Variants in TMEM25 observed in about 807,000 individuals in gnomAD.
The protein encoded by TMEM25 is transmembrane protein 25.
In TMEM25, 36 loss-of-function variants were observed where a neutral mutation model predicts 37.0. That is an observed-to-expected ratio of 0.97 (90% CI 0.75 to 1.28). The LOEUF (loss-of-function observed/expected upper bound fraction) is 1.28. TMEM25 is among the 50% of genes most tolerant of loss of function. TMEM25 has a pLI of 0.00. For synonymous variants in TMEM25, 197 were observed against 203.7 expected, an observed-to-expected ratio of 0.97 and a Z score of 0.28; for missense variants, 444 against 477.9, an observed-to-expected ratio of 0.93 and a Z score of 0.66.
At chr11:118,531,995 C>T in intron 2 of TMEM25, 124 bp downstream of exon 2, 1 of 1,372,706 alleles carries the variant, frequency 7.3e-7, no homozygotes, top group Non-Finnish European at 9.8e-7. Flanking sequence ...GTCCCCTTCA[C>T]CCACCTACCC....
At chr11:118,531,960 C>T in intron 2 of TMEM25, 89 bp downstream of exon 2, 4 of 1,479,388 alleles carry the variant, frequency 2.7e-6, no homozygotes, top group South Asian at 1.2e-5. Context: ...GGTACCCACT[C>T]CAGGCCCCAA....
intron 8 of TMEM25, among the ~76,000 whole-genome samples, chr11:118,541,530 T>G (rs561004852): frequency 3.4e-4 from 51 of 152,154 alleles, no homozygotes; most frequent in Non-Finnish European, 7.4e-5. Flanking sequence ...CCATTTTTTG[T>G]TACTTATAAC....
rs782163741 is a variant in TMEM25, at chr11:118,534,395, C to T, written c.1027+40C>T. ...GCCTGCCACCCTCCTCCTCTGCCCC[C>T]CAGCCCTGTGCTTATGCCAGAGGCC... On this transcript the variant is annotated intron_variant, in intron 8 of 8. Transcript: ENST00000313236. The surrounding 1 kb of genome is among the most constrained non-coding windows in gnomAD (Gnocchi z 4.6). 1.9e-6 allele frequency: 3 copies of T among 1,611,558 alleles called. No homozygotes were observed. Among genetic ancestry groups the T allele is most frequent in the South Asian group, 2.2e-5 (2 of 90,684 alleles).
rs1281371427 is a variant in TMEM25 at position 118,531,806 on chromosome 11, C to T, written c.5C>T (p.Ala2Val). M[A>V]LPPGPAALRH... ...AGGGCCTAGGCCCGGGCCACCATGG[C>T]GCTGCCTCCAGGCCCAGCCGCCCTC... The change falls in exon 2 of 9, where the codon GCG (alanine) becomes GTG (valine). Residue 2 changes from alanine (A) to valine (V), a missense_variant. Ala to Val is a moderately conservative substitution (Grantham distance 64, BLOSUM62 0). Transcript: ENST00000313236. 6.4e-6 allele frequency: 10 copies of T among 1,550,690 alleles called. No homozygotes were observed. Among genetic ancestry groups the T allele is most frequent in the Admixed American group, 3.9e-5 (2 of 50,984 alleles).
rs147483533 is a variant in TMEM25, at chr11:118,533,033, G to A, written c.499G>A (p.Asp167Asn). 1.4e-4 allele frequency: 224 copies of A among 1,614,224 alleles called. No homozygotes were observed. The African/African-American group carries it at 2.4e-3, about 17-fold the overall frequency. ...ANPPANVTWI[D>N]QDGPVTVNTS... ...CCCGCCGGCCAATGTCACCTGGATC[G>A]ACCAGGATGGGCCAGTGACTGTCAA... Residue 167 changes from aspartate (D) to asparagine (N), a missense_variant, in exon 4 of 9, where the codon GAC becomes AAC. Coordinates refer to ENST00000313236, the MANE Select transcript of TMEM25 (RefSeq NM_032780.4).
At chr11:118,546,815 A>G (rs1241450029), downstream of TMEM25, 1 of 152,252 alleles carries the variant, frequency 6.6e-6, no homozygotes, top group African/African-American at 2.4e-5. Flanking sequence ...ATAATGCCTA[A>G]TGATTCCAGG....
chr11:118,533,252 CA>C, intron 4 of TMEM25, 45 bp downstream of exon 4: 3 of 1,560,730 alleles, frequency 1.9e-6, no homozygotes, highest in Non-Finnish European at 2.6e-6. Context: ...CAGGTGGGCT[CA>C]GGGGTCCCGT....
At chr11:118,545,800 C>A (rs1555066952) in intron 8 of TMEM25, 2 of 1,614,168 alleles carry the variant, frequency 1.2e-6, no homozygotes, top group South Asian at 1.1e-5. Context: ...CACCACAGAT[C>A]ATGTCAATGT....
At chr11:118,537,278 T>C (rs183239626), downstream of TMEM25, among the ~76,000 whole-genome samples, 642 of 151,970 alleles carry the variant, frequency 4.2e-3, 3 homozygotes, top group African/African-American at 0.015. Flanking sequence ...GAGGCAGAGA[T>C]TGCAGTGAGC....
chr11:118,544,904 T>G (rs1171696863), intron 8 of TMEM25: 1 of 1,596,940 alleles, frequency 6.3e-7, no homozygotes, highest in Non-Finnish European at 8.6e-7. Flanking sequence ...AAACAGCAGC[T>G]TGGGAAGTGT....
chr11:118,540,570 C>A (rs913108409), downstream of TMEM25, among the ~76,000 whole-genome samples: 13 of 152,228 alleles, frequency 8.5e-5, no homozygotes, highest in Admixed American at 3.9e-4. Context: ...TCTTAATTAT[C>A]AGAAAGTTTA....
chr11:118,540,268 A>G (rs1591350520), downstream of TMEM25, among the ~76,000 whole-genome samples: 1 of 151,588 alleles, frequency 6.6e-6, no homozygotes, highest in Admixed American at 6.6e-5. Context: ...CTTGGCTTCC[A>G]TGGCTGTGGG....
intron 8 of TMEM25, chr11:118,544,669 A>G (rs1565341743): frequency 2.3e-6 from 1 of 430,962 alleles, no homozygotes; most frequent in Non-Finnish European, 4.1e-6. Flanking sequence ...AGAAATTCCA[A>G]TTCTTATAAC....
At chr11:118,533,724 C>T in intron 5 of TMEM25, 133 bp from the exon 6 acceptor site, 1 of 1,568,954 alleles carries the variant, frequency 6.4e-7, no homozygotes, top group South Asian at 1.1e-5. Flanking sequence ...ACTGGGAACC[C>T]AGTCTCTGGC....
At chr11:118,544,071 G>C (rs1555066396) in intron 8 of TMEM25, among the ~76,000 whole-genome samples, 1 of 152,172 alleles carries the variant, frequency 6.6e-6, no homozygotes, top group Non-Finnish European at 1.5e-5. Flanking sequence ...GCCTCCCAAA[G>C]TTCTGGGATT....
At chr11:118,544,354 A>T (rs1951625570) in intron 8 of TMEM25, among the ~76,000 whole-genome samples, 1 of 152,202 alleles carries the variant, frequency 6.6e-6, no homozygotes, top group Admixed American at 6.5e-5. Context: ...TCCAGAGGAA[A>T]AATGATTCCC....
In TMEM25 at chr11:118,541,336, C is replaced by G. The variant is rs1352718138; in HGVS notation, c.1028-4783C>G. On this transcript the variant is annotated intron_variant, in intron 8 of 8. Coordinates refer to the TMEM25 transcript ENST00000354284. ...AATTAGCCGAGTGTGGTGGTGGGCA[C>G]CTGTAGTCCTAACTACTCGGGAGGC... is the stretch of plus-strand genomic sequence containing the variant. 2.0e-5 allele frequency among the ~76,000 whole-genome samples: 3 copies of G among 151,840 alleles called. No individual in the cohort carries two copies. The East Asian group carries it at 5.8e-4, about 29-fold the overall frequency.
intron 3 of TMEM25, 37 bp from the exon 4 acceptor site, chr11:118,532,880 C>T: frequency 6.3e-7 from 1 of 1,585,026 alleles, no homozygotes; most frequent in Non-Finnish European, 8.6e-7. Flanking sequence ...GTATGAGGGG[C>T]TGTGGTGAGA....
At position 118,532,948 on chromosome 11, in the gene TMEM25, G is replaced by A. The variant is rs144322571; in HGVS notation, c.414G>A (p.Lys138=). 1.1e-4 allele frequency: 170 copies of A among 1,614,118 alleles called. No individual in the cohort carries two copies. In the African/African-American group the frequency reaches 1.9e-3, roughly 18 times the overall value. Residue 138 remains lysine (K), a synonymous_variant, in exon 4 of 9, where the codon AAG becomes AAA. Transcript: ENST00000313236. ...CAGAGATTGCCCAAGTCGGCGCCAAGTACCAGGAAGCTCAGGGCCCAGGCC... is the reference window on the plus strand; with the variant it reads ...CAGAGATTGCCCAAGTCGGCGCCAAATACCAGGAAGCTCAGGGCCCAGGCC... ...FKPEIAQVGA[K]YQEAQGPGLL...
Sources: gnomAD v4.1 joint callset for allele counts (sites outside exome capture counted in the v4.1 genomes callset) on GRCh38, gnomAD v4.1.1 for gene constraint, Gnocchi (gnomAD v3.1) non-coding constraint, MANE v1.5 for transcripts, NCBI Gene and HGNC (gene_info 2026-07-23, HGNC 2026-07-21) for gene names.